The following CELF4 variants were observed in gnomAD, a reference collection of about 807,000 sequenced individuals.
The protein encoded by CELF4 is CUGBP Elav-like family member 4.
In CELF4, 18 loss-of-function variants were observed where a neutral mutation model predicts 59.9. The ratio of observed to expected loss-of-function variants is 0.30; its 90% CI spans 0.21 to 0.45. The LOEUF is 0.45. CELF4 is among the 20% of genes least tolerant of loss of function. CELF4 has a pLI of 1.00. For missense variants in CELF4, 456 were observed against 689.0 expected (o/e 0.66, Z 3.79); for synonymous variants, 261 against 267.1 (o/e 0.98, Z 0.22).
intron 2 of CELF4, among the ~76,000 whole-genome samples, chr18:37,330,165 G>A (rs2097488172): frequency 6.6e-6 from 1 of 152,248 alleles, no homozygotes; most frequent in Non-Finnish European, 1.5e-5. Flanking sequence ...CAGAGACCCC[G>A]CCCTCCACCA....
chr18:37,371,643 G>A (rs1322756450), intron 2 of CELF4, among the ~76,000 whole-genome samples: 2 of 152,232 alleles, frequency 1.3e-5, no homozygotes, highest in Non-Finnish European at 2.9e-5. Context: ...GAAAGGGAGA[G>A]AAGAGGCATG....
intron 1 of CELF4, among the ~76,000 whole-genome samples, chr18:37,563,126 C>A (rs2099987077): frequency 6.6e-6 from 1 of 150,888 alleles, no homozygotes; most frequent in East Asian, 1.9e-4. Flanking sequence ...TAATCATAAC[C>A]TTCTCTACCT....
chr18:37,498,947 G>A (rs1237120207), intron 1 of CELF4, among the ~76,000 whole-genome samples: 1 of 152,210 alleles, frequency 6.6e-6, no homozygotes, highest in Admixed American at 6.5e-5. Context: ...TTAATGGGGA[G>A]TGTTACTCTT....
intron 3 of CELF4, among the ~76,000 whole-genome samples, chr18:37,284,407 C>T (rs760597784): frequency 6.6e-6 from 1 of 152,214 alleles, no homozygotes; most frequent in Non-Finnish European, 1.5e-5. Context: ...CTCTGGGAGC[C>T]TGGCCTGGGC....
At chr18:37,565,295 C>G in intron 1 of CELF4, 61 bp downstream of exon 1, 1 of 1,459,092 alleles carries the variant, frequency 6.9e-7, no homozygotes, top group East Asian at 2.5e-5. Context: ...GCCGGCCGGC[C>G]GGTCGGCCCG....
chr18:37,345,694 C>A (rs116847801), intron 2 of CELF4, among the ~76,000 whole-genome samples: 1 of 152,058 alleles, frequency 6.6e-6, no homozygotes, highest in African/African-American at 2.4e-5. Context: ...GGGAACCCCA[C>A]CTCAAGAACC....
At chr18:37,484,181 C>T (rs1285065975) in intron 2 of CELF4, among the ~76,000 whole-genome samples, 1 of 152,194 alleles carries the variant, frequency 6.6e-6, no homozygotes, top group African/African-American at 2.4e-5. Flanking sequence ...ATATCTGTCA[C>T]AGTCTCCCCC....
Position 37,357,285 on chromosome 18 carries a change from T to C in CELF4, c.370-35404A>G, listed in dbSNP as rs578130544. Among the ~76,000 whole-genome samples the C allele has an allele frequency of 5.3e-5, 8 of 152,302 alleles. No homozygotes were observed. In the South Asian group the frequency reaches 1.7e-3, roughly 32 times the overall value. ...TTGGCTGTGTCCCCACCCTGCATCCTAGCTGCTCCAGCTGGGGCTGAAAGG... is the reference window on the plus strand; with the variant it reads ...TTGGCTGTGTCCCCACCCTGCATCCCAGCTGCTCCAGCTGGGGCTGAAAGG... On this transcript the variant is annotated intron_variant, in intron 2 of 12. Coordinates refer to ENST00000420428, the MANE Select transcript of CELF4 (RefSeq NM_020180.4).
At chr18:37,561,485 T>A (rs748718821) in intron 1 of CELF4, among the ~76,000 whole-genome samples, 1 of 152,208 alleles carries the variant, frequency 6.6e-6, no homozygotes, top group African/African-American at 2.4e-5. Context: ...AATATGGCTA[T>A]CCAGAGAGCA....
chr18:37,378,452 T>C (rs936875933), intron 2 of CELF4, among the ~76,000 whole-genome samples: 5 of 152,066 alleles, frequency 3.3e-5, no homozygotes, highest in Admixed American at 2.0e-4. Flanking sequence ...TTCTATTAAA[T>C]AGGATAATGG....
intron 2 of CELF4, among the ~76,000 whole-genome samples, chr18:37,432,319 C>G (rs566474061): frequency 1.6e-4 from 24 of 152,334 alleles, no homozygotes; most frequent in African/African-American, 5.5e-4. Flanking sequence ...TGAGGAGGCC[C>G]CCAACTCCCA....
chr18:37,393,443 G>C (rs979296014), intron 2 of CELF4, among the ~76,000 whole-genome samples: 1 of 152,228 alleles, frequency 6.6e-6, no homozygotes, highest in South Asian at 2.1e-4. Context: ...TTGTGGACGG[G>C]GTGGCTCAGG....
chr18:37,439,454 G>A (rs772645912), intron 2 of CELF4, among the ~76,000 whole-genome samples: 2 of 152,108 alleles, frequency 1.3e-5, no homozygotes, highest in Non-Finnish European at 2.9e-5. Context: ...AAATACTGAG[G>A]AGCTCATGAG....
At chr18:37,384,335 A>C (rs573952591) in intron 2 of CELF4, among the ~76,000 whole-genome samples, 1 of 152,268 alleles carries the variant, frequency 6.6e-6, no homozygotes, top group South Asian at 2.1e-4. Flanking sequence ...TTTGCACATT[A>C]ATATCTGTCT....
At chr18:37,266,727 CATCCGAG>C in intron 8 of CELF4, 129 bp from the exon 9 acceptor site, 1 of 809,420 alleles carries the variant, frequency 1.2e-6, no homozygotes, top group Non-Finnish European at 1.9e-6. Flanking sequence ...TGGGGCAGGG[CATCCGAG>C]ACAGAAACCC....
Position 37,411,876 on chromosome 18 carries a change from C to T in CELF4, c.369+73649G>A, listed in dbSNP as rs913016591. 1.1e-4 allele frequency among the ~76,000 whole-genome samples: 17 copies of T among 152,222 alleles called. No individual in the cohort carries two copies. In the South Asian group the frequency reaches 2.3e-3, roughly 20 times the overall value. On this transcript the variant is annotated intron_variant, in intron 2 of 12. Transcript: ENST00000420428. ...CTGTGCCTCCCTCCCAGCCAGGACC[C>T]GTGTCCAGGGGCTCCTAGCCACTGT...
At chr18:37,346,298 A>G (rs1173536581) in intron 2 of CELF4, among the ~76,000 whole-genome samples, 1 of 152,198 alleles carries the variant, frequency 6.6e-6, no homozygotes, top group Non-Finnish European at 1.5e-5. Flanking sequence ...GGACATACCC[A>G]GAATGCTATA....
rs139255039 is a variant in CELF4, at chr18:37,510,350, G to A, written c.287-24743C>T. 3.7e-3 allele frequency among the ~76,000 whole-genome samples: 567 copies of A among 152,290 alleles called. 3 individuals are homozygous for A. The highest frequency in any genetic ancestry group is 6.3e-3 in the Non-Finnish European group (427 of 68,016). ...CTTGGACCCAGCTGGCCAATCTGCT[G>A]CAGGGACCCCTGCCTTCTTCCCCAG... is the stretch of plus-strand genomic sequence containing the variant. On this transcript the variant is annotated intron_variant, in intron 1 of 12. Transcript: ENST00000420428.
At chr18:37,470,885 T>TGAGAGAGAGAGAGAGAGA (rs1569569558) in intron 2 of CELF4, among the ~76,000 whole-genome samples, 44 of 79,576 alleles carry the variant, frequency 5.5e-4, no homozygotes, top group Non-Finnish European at 8.7e-4. Context: ...TGTGTGTGTG[T>TGAGAGAGAGAGAGAGAGA]GTGACAGAGA....
Sources: gnomAD v4.1 joint callset for allele counts (sites outside exome capture counted in the v4.1 genomes callset) on GRCh38, gnomAD v4.1.1 for gene constraint, MANE v1.5 for transcripts, NCBI Gene and HGNC (gene_info 2026-07-23, HGNC 2026-07-21) for gene names.